TMIGD1: variants seen among roughly 807,000 people sequenced by gnomAD.
TMIGD1 encodes transmembrane and immunoglobulin domain containing 1, also known as transmembrane and immunoglobulin domain-containing protein 1.
TMIGD1 carries 29 observed loss-of-function variants against 27.5 expected under a neutral mutation model. The ratio of observed to expected loss-of-function variants is 1.05; its 90% CI spans 0.78 to 1.44. TMIGD1 has a LOEUF of 1.44. TMIGD1 is among the 40% of genes most tolerant of loss of function. TMIGD1 has a pLI of 0.00. For synonymous variants in TMIGD1, 109 were observed against 110.3 expected (o/e 0.99, Z 0.07); for missense variants, 334 against 310.6 (o/e 1.08, Z -0.57).
intron 4 of TMIGD1, among the ~76,000 whole-genome samples, chr17:30,321,800 C>T (rs923799659): frequency 6.6e-6 from 1 of 152,132 alleles, no homozygotes; most frequent in African/African-American, 2.4e-5. Flanking sequence ...TCCCCTGTCC[C>T]CATAACTGTA....
intron 4 of TMIGD1, among the ~76,000 whole-genome samples, chr17:30,319,261 A>AAAAATATATATATATATATATATATATAT: frequency 1.6e-4 from 11 of 69,038 alleles, no homozygotes; most frequent in African/African-American, 7.3e-4. Flanking sequence ...AAAAAAAAAA[A>AAAAATATATATATATATATATATATATAT]ATATATATAT....
chr17:30,317,129 G>A, intron 6 of TMIGD1, 64 bp downstream of exon 6: 2 of 1,541,574 alleles, frequency 1.3e-6, no homozygotes, highest in Non-Finnish European at 1.8e-6. Flanking sequence ...TGTCTAGAGT[G>A]ATGCATATCA....
At chr17:30,327,927 C>T (rs2143171402) in intron 3 of TMIGD1, among the ~76,000 whole-genome samples, 1 of 152,256 alleles carries the variant, frequency 6.6e-6, no homozygotes, top group South Asian at 2.1e-4. Context: ...TGACAGTCCC[C>T]TAAGCCTATA....
chr17:30,332,683 C>T (rs887309622), intron 1 of TMIGD1, among the ~76,000 whole-genome samples: 2 of 152,080 alleles, frequency 1.3e-5, no homozygotes, highest in Non-Finnish European at 2.9e-5. Context: ...GTCTTTCTCC[C>T]ACTATTCTCT....
chr17:30,316,649 G>T lies in TMIGD1; in HGVS notation c.*38C>A, dbSNP rs1376539178. 6.2e-7 allele frequency: 1 copy of T among 1,610,024 alleles called. No homozygotes were observed. The highest frequency in any genetic ancestry group is 2.2e-5 in the East Asian group (1 of 44,850). On this transcript the variant is annotated 3_prime_UTR_variant, in exon 7 of 7. Coordinates refer to ENST00000328886, the MANE Select transcript of TMIGD1 (RefSeq NM_206832.3). The stretch of plus-strand genomic sequence containing the variant: ...CTACATAAATTGTGGAGGTCCTGAT[G>T]CAAAACTCTCTCTGTATTCGATGGC...
intron 4 of TMIGD1, among the ~76,000 whole-genome samples, chr17:30,319,261 A>AAATATATATATATATATATATATATATAT: frequency 1.4e-5 from 1 of 69,068 alleles, no homozygotes; most frequent in Admixed American, 1.5e-4. Context: ...AAAAAAAAAA[A>AAATATATATATATATATATATATATATAT]ATATATATAT....
In TMIGD1 at chr17:30,329,345, G is replaced by GA. The variant is rs770336714; in HGVS notation, c.266dup (p.Ser90LeufsTer5). 2 of 1,613,968 alleles carry GA rather than the reference G, an allele frequency of 1.2e-6. No homozygotes were observed. The highest frequency in any genetic ancestry group is 1.7e-6 in the Non-Finnish European group (2 of 1,180,024). The stretch of plus-strand genomic sequence containing the variant: ...CGTTGTCATTTTCACTGATGGAAGA[G>GA]ACACAGACAGAGCTGGAATTGATTT... On this transcript the variant is annotated frameshift_variant, in exon 3 of 7. Transcript: ENST00000328886. LOFTEE classifies it high-confidence loss of function.
intron 3 of TMIGD1, among the ~76,000 whole-genome samples, chr17:30,325,493 C>A (rs1007053552): frequency 6.6e-6 from 1 of 152,058 alleles, no homozygotes; most frequent in Non-Finnish European, 1.5e-5. Flanking sequence ...GCAATTAGAT[C>A]TAATTCCATC....
chr17:30,318,122 A>G (rs1483839548), intron 5 of TMIGD1, among the ~76,000 whole-genome samples: 1 of 152,006 alleles, frequency 6.6e-6, no homozygotes, highest in East Asian at 1.9e-4. Context: ...AAAAGAAACA[A>G]CAACAACTAA....
chr17:30,316,681 G>A lies in TMIGD1; in HGVS notation c.*6C>T. 1.9e-6 allele frequency: 3 copies of A among 1,613,336 alleles called. No homozygotes were observed. The highest frequency in any genetic ancestry group is 4.5e-5 in the East Asian group (2 of 44,840). On this transcript the variant is annotated 3_prime_UTR_variant, in exon 7 of 7. Coordinates refer to ENST00000328886, the MANE Select transcript of TMIGD1 (RefSeq NM_206832.3). ...TCTCTCTGTATTCGATGGCATCTCA[G>A]CTTTCTCATCTGAAATGAATGAAGA...
chr17:30,333,067 T>C (rs999026470), intron 1 of TMIGD1, among the ~76,000 whole-genome samples: 7 of 152,094 alleles, frequency 4.6e-5, no homozygotes, highest in African/African-American at 1.7e-4. Context: ...ACCATGCTCT[T>C]AACCACCCTA....
Position 30,332,072 on chromosome 17 carries a change from A to C in TMIGD1, c.62T>G (p.Phe21Cys). The C allele has an allele frequency of 1.2e-6, 2 of 1,612,576 alleles. No homozygotes were observed. The highest frequency in any genetic ancestry group is 1.7e-6 in the Non-Finnish European group (2 of 1,179,226). ...MGRFLLLVIL[F>C]LPREMTSSVL... ...CTTACTTGTCATCTCACGTGGCAGA[A>C]ATAAAATTACTAAGAGAAGAAATCT... Residue 21 changes from phenylalanine to cysteine, a missense_variant, in exon 2 of 7, where the codon TTT becomes TGT. By Grantham distance (205) the Phe-to-Cys change is radical. Transcript: ENST00000328886.
chr17:30,331,965 A>G, intron 2 of TMIGD1, 87 bp downstream of exon 2: 2 of 814,628 alleles, frequency 2.5e-6, no homozygotes, highest in South Asian at 3.3e-5. Context: ...TTTGGAATTT[A>G]AGGATATATC....
rs1567849764 is a variant in TMIGD1, at chr17:30,325,028, CAAA to C, written c.425_427del (p.Val142_Cys143delinsGly). 7 of 1,613,964 alleles carry C rather than the reference CAAA, an allele frequency of 4.3e-6. No individual in the cohort carries two copies. The Middle Eastern group carries it at 4.9e-4, about 114-fold the overall frequency. The stretch of plus-strand genomic sequence containing the variant: ...AGCCTGGGGGTTGGCTTTCACATTG[CAAA>C]CCAACTTCACATTACTGCCTTCCTC... On this transcript the variant is annotated inframe_deletion, in exon 4 of 7. Transcript: ENST00000328886.
intron 2 of TMIGD1, among the ~76,000 whole-genome samples, chr17:30,330,100 A>T (rs897943899): frequency 6.6e-6 from 1 of 151,952 alleles, no homozygotes. Flanking sequence ...AAAAGTACTG[A>T]TGCCTGATTC....
At chr17:30,320,188 C>T (rs1286798938) in intron 4 of TMIGD1, among the ~76,000 whole-genome samples, 4 of 152,070 alleles carry the variant, frequency 2.6e-5, no homozygotes, top group Non-Finnish European at 5.9e-5. Context: ...CAGGCACGTG[C>T]TACCATACCG....
chr17:30,318,555 A>G (rs1017562655), intron 5 of TMIGD1, among the ~76,000 whole-genome samples: 1 of 152,130 alleles, frequency 6.6e-6, no homozygotes, highest in Admixed American at 6.5e-5. Context: ...TCAGCCCCCA[A>G]TTGCCTACCC....
At chr17:30,320,285 C>T (rs376792261) in intron 4 of TMIGD1, among the ~76,000 whole-genome samples, 2 of 152,058 alleles carry the variant, frequency 1.3e-5, no homozygotes, top group African/African-American at 2.4e-5. Flanking sequence ...ATCCGCCTTC[C>T]TTGGCCTCCC....
chr17:30,318,880 A>G lies in TMIGD1; in HGVS notation c.674T>C (p.Ile225Thr). The change falls in exon 5 of 7, where the codon ATT (isoleucine) becomes ACT (threonine). Residue 225 changes from isoleucine to threonine, a missense_variant. Coordinates refer to ENST00000328886, the MANE Select transcript of TMIGD1 (RefSeq NM_206832.3). ...KTVGVPIEPI[I>T]AACVVIFLTL... ...CAGAAAGATCACAACACATGCAGCA[A>G]TAATGGGCTCTATTGGTACACCCAC... The G allele has an allele frequency of 6.2e-7, 1 of 1,614,008 alleles. No individual in the cohort carries two copies. The highest frequency in any genetic ancestry group is 1.7e-5 in the Admixed American group (1 of 60,014).
Sources: allele counts gnomAD v4.1 joint callset (sites outside exome capture counted in the v4.1 genomes callset), GRCh38; gene constraint gnomAD v4.1.1; transcripts MANE v1.5; gene names NCBI Gene and HGNC (gene_info 2026-07-23, HGNC 2026-07-21).